TRIM24: variants seen among roughly 807,000 people sequenced by gnomAD.
The protein encoded by TRIM24 is tripartite motif containing 24, also known as transcription intermediary factor 1-alpha.
TRIM24 carries 29 observed loss-of-function variants against 123.9 expected under a neutral mutation model. The ratio of observed to expected loss-of-function variants is 0.23; its 90% CI spans 0.17 to 0.32. The LOEUF (loss-of-function observed/expected upper bound fraction) is 0.32, where lower values mean the gene tolerates loss of function less well. Ranked by LOEUF, TRIM24 falls within the 10% of genes least tolerant of loss-of-function variation. The probability of loss-of-function intolerance (pLI) is 1.00; values close to 1 mark genes in which losing one functional copy is unlikely to be tolerated. For synonymous variants in TRIM24, 456 were observed against 461.1 expected (o/e 0.99, Z 0.14); for missense variants, 932 against 1,295.3 (o/e 0.72, Z 4.31).
rs750548960 is a variant in TRIM24 at position 138,519,163 on chromosome 7, C to T, written c.632-26C>T. On this transcript the variant is annotated intron_variant, in intron 3 of 18. Transcript: ENST00000343526. ...ACTATTCAATTATGTTAATTTTCTTCTCTTTGTCTCCCATTGTTTCTGCAG... is the reference window on the plus strand; with the variant it reads ...ACTATTCAATTATGTTAATTTTCTTTTCTTTGTCTCCCATTGTTTCTGCAG... The T allele has an allele frequency of 3.1e-6, 5 of 1,613,736 alleles. No homozygotes were observed. In the South Asian group the frequency reaches 5.5e-5, roughly 18 times the overall value.
Position 138,519,275 on chromosome 7 carries a change from A to G in TRIM24, c.718A>G (p.Lys240Glu). The change falls in exon 4 of 19, where the codon AAA becomes GAA. Residue 240 changes from lysine to glutamate, a missense_variant. Physicochemically the swap from Lys to Glu is moderately conservative, Grantham distance 56. Transcript: ENST00000343526. ...QLKLYCETCD[K>E]LTCRDCQLLE... ...GAAGCTGTACTGTGAGACATGTGACAAACTGACATGTCGAGACTGTCAGTT... is the reference window on the plus strand; with the variant it reads ...GAAGCTGTACTGTGAGACATGTGACGAACTGACATGTCGAGACTGTCAGTT... The G allele has an allele frequency of 2.5e-6, 4 of 1,613,796 alleles. No homozygotes were observed. Among genetic ancestry groups the G allele is most frequent in the Non-Finnish European group, 3.4e-6 (4 of 1,179,896 alleles).
intron 17 of TRIM24, among the ~76,000 whole-genome samples, chr7:138,583,381 A>G (rs1468586852): frequency 6.6e-6 from 1 of 152,224 alleles, no homozygotes; most frequent in Non-Finnish European, 1.5e-5. Context: ...ACATTTTGGG[A>G]GGCTGAGGCA....
intron 6 of TRIM24, among the ~76,000 whole-genome samples, chr7:138,531,690 G>A (rs1470657755): frequency 6.6e-6 from 1 of 152,156 alleles, no homozygotes; most frequent in Non-Finnish European, 1.5e-5. Context: ...GTGTGCATGT[G>A]TCTTTATAGC....
intron 1 of TRIM24, among the ~76,000 whole-genome samples, chr7:138,472,080 T>C (rs1336223554): frequency 6.6e-6 from 1 of 151,722 alleles, no homozygotes; most frequent in African/African-American, 2.4e-5. Context: ...GAAAGCCAGA[T>C]TGGGGTAGGT....
intron 17 of TRIM24, among the ~76,000 whole-genome samples, chr7:138,583,485 T>TA (rs1480282482): frequency 6.6e-6 from 1 of 152,150 alleles, no homozygotes; most frequent in Non-Finnish European, 1.5e-5. Flanking sequence ...CCGGCTATGT[T>TA]AGCGCATGCC....
chr7:138,473,582 C>CA (rs1795325338), intron 1 of TRIM24, among the ~76,000 whole-genome samples: 1 of 152,108 alleles, frequency 6.6e-6, no homozygotes. Flanking sequence ...TATTCTGTTC[C>CA]AAAAAAACTT....
In TRIM24 at chr7:138,579,220, G is replaced by T; in HGVS notation, c.2273G>T (p.Ser758Ile). The change falls in exon 15 of 19, where the codon AGC (serine) becomes ATC (isoleucine). Residue 758 changes from serine to isoleucine, a missense_variant. This residue lies in a region of TRIM24 where 527 missense variants were observed against 691.3 expected (regional missense o/e 0.76). Coordinates refer to ENST00000343526, the MANE Select transcript of TRIM24 (RefSeq NM_015905.3). ...CTACTACAGGCCAATTATCCAAGAA[G>T]CATACTCACCTCCCTGCTCTTAAAT... Reference protein sequence around the residue: ...SRPQNANYPRSILTSLLLNSS... With the variant: ...SRPQNANYPRIILTSLLLNSS... 6.3e-7 allele frequency: 1 copy of T among 1,582,288 alleles called. No homozygotes were observed. Among genetic ancestry groups the T allele is most frequent in the Non-Finnish European group, 8.6e-7 (1 of 1,165,524 alleles).
At chr7:138,556,459 C>T (rs926029958) in intron 9 of TRIM24, 1 of 152,154 alleles carries the variant, frequency 6.6e-6, no homozygotes, top group Non-Finnish European at 1.5e-5. Flanking sequence ...TAGGACTGTA[C>T]TTTATAGCTG....
chr7:138,563,571 C>T (rs1797471306), intron 9 of TRIM24, among the ~76,000 whole-genome samples: 1 of 152,134 alleles, frequency 6.6e-6, no homozygotes, highest in African/African-American at 2.4e-5. Context: ...ATCTTGGTGG[C>T]CACTCCTATA....
intron 2 of TRIM24, among the ~76,000 whole-genome samples, chr7:138,508,751 CTGTT>C (rs1796222652): frequency 8.9e-6 from 1 of 112,860 alleles, no homozygotes; most frequent in African/African-American, 3.0e-5. Flanking sequence ...GTGTGTCACT[CTGTT>C]TGAGTCTGCA....
At position 138,460,427 on chromosome 7, in the gene TRIM24, T is replaced by C; in HGVS notation, c.-122T>C. 3 of 1,095,756 alleles carry C rather than the reference T, an allele frequency of 2.7e-6. No individual in the cohort carries two copies. The highest frequency in any genetic ancestry group is 3.5e-6 in the Non-Finnish European group (3 of 861,718). The allele number at this position is 1,095,756 out of a possible 1,614,324, so 67.9% of individuals were successfully genotyped here. The stretch of plus-strand genomic sequence containing the variant: ...GCCCGGTTTGCTTTCCCTCCCTCGC[T>C]GGCGCTGCCGCGAGTCCACCGAGCG... On this transcript the variant is annotated 5_prime_UTR_variant, in exon 1 of 19. Coordinates refer to ENST00000343526, the MANE Select transcript of TRIM24 (RefSeq NM_015905.3).
chr7:138,523,220 G>C (rs1796539286), intron 4 of TRIM24, among the ~76,000 whole-genome samples: 1 of 152,148 alleles, frequency 6.6e-6, no homozygotes, highest in Admixed American at 6.5e-5. Context: ...GAGTAGGAAG[G>C]TGGCATTACT....
intron 5 of TRIM24, among the ~76,000 whole-genome samples, chr7:138,528,874 C>A (rs796617354): frequency 2.8e-5 from 4 of 142,532 alleles, no homozygotes; most frequent in Admixed American, 7.9e-5. Context: ...TGTACTCATT[C>A]TCTTCTAATT....
intron 9 of TRIM24, among the ~76,000 whole-genome samples, chr7:138,562,000 C>T (rs916905173): frequency 1.7e-4 from 26 of 152,162 alleles, no homozygotes; most frequent in African/African-American, 5.8e-4. Flanking sequence ...CCTTCTTTCG[C>T]TCACTGCCAA....
intron 11 of TRIM24, among the ~76,000 whole-genome samples, chr7:138,571,478 G>GTGTT (rs1797655222): frequency 6.6e-6 from 1 of 152,174 alleles, no homozygotes; most frequent in Non-Finnish European, 1.5e-5. Flanking sequence ...GGAGTTAAAG[G>GTGTT]TGTTTGTAAA....
intron 6 of TRIM24, among the ~76,000 whole-genome samples, chr7:138,530,429 C>T (rs1445950189): frequency 6.6e-6 from 1 of 151,864 alleles, no homozygotes; most frequent in African/African-American, 2.4e-5. Context: ...TGAACCTGGT[C>T]AGTATATCTA....
Position 138,460,662 on chromosome 7 carries a change from C to A in TRIM24, c.114C>A (p.Gly38=). ...SGENEAESRQ[G]PDSERGGEAA... is the part of the protein sequence containing the mutation. ...AGAACGAGGCCGAGAGTCGGCAGGGCCCGGACTCGGAGCGCGGCGGCGAGG... is the reference window on the plus strand; with the variant it reads ...AGAACGAGGCCGAGAGTCGGCAGGGACCGGACTCGGAGCGCGGCGGCGAGG... Residue 38 remains glycine (G), a synonymous_variant, in exon 1 of 19, where the codon GGC becomes GGA. Transcript: ENST00000343526. The A allele has an allele frequency of 6.7e-7, 1 of 1,500,300 alleles. No homozygotes were observed. Among genetic ancestry groups the A allele is most frequent in the Admixed American group, 2.3e-5 (1 of 44,362 alleles). The allele number at this position is 1,500,300 out of a possible 1,614,324, so 92.9% of individuals were successfully genotyped here. A position where few individuals can be genotyped will look rare whatever the true frequency, so the allele number is the denominator to read the frequency against.
chr7:138,479,360 C>T (rs1394975506), intron 1 of TRIM24, among the ~76,000 whole-genome samples: 1 of 151,950 alleles, frequency 6.6e-6, no homozygotes, highest in East Asian at 1.9e-4. Context: ...ACCGTTTGTC[C>T]AACCTTTTTT....
chr7:138,562,505 G>T (rs1797447988), intron 9 of TRIM24, among the ~76,000 whole-genome samples: 1 of 152,186 alleles, frequency 6.6e-6, no homozygotes, highest in Non-Finnish European at 1.5e-5. Context: ...ACTGGCAGGA[G>T]TGGGATGTTC....
Sources: gnomAD v4.1 joint callset for allele counts (sites outside exome capture counted in the v4.1 genomes callset) on GRCh38, gnomAD v4.1.1 for gene constraint, gnomAD v4.1.1 regional missense constraint, MANE v1.5 for transcripts, NCBI Gene and HGNC (gene_info 2026-07-23, HGNC 2026-07-21) for gene names.